SLC30A8: variants seen among roughly 807,000 people sequenced by gnomAD.
SLC30A8 encodes proton-coupled zinc antiporter SLC30A8.
Under a neutral mutation model 36.9 loss-of-function variants are expected in SLC30A8, and 27 were observed. The observed-to-expected ratio is 0.73, with a 90% confidence interval of 0.54 to 1.01. The LOEUF (loss-of-function observed/expected upper bound fraction) is 1.01. SLC30A8 is among the 50% of genes least tolerant of loss of function. The pLI, the probability that SLC30A8 is intolerant of heterozygous loss-of-function variation, is 0.00. For missense variants in SLC30A8, 439 were observed against 452.0 expected (o/e 0.97, Z 0.26); for synonymous variants, 164 against 172.4 (o/e 0.95, Z 0.38).
intron 1 of SLC30A8, among the ~76,000 whole-genome samples, chr8:117,137,735 A>G (rs188425873): frequency 7.2e-5 from 11 of 152,084 alleles, no homozygotes; most frequent in African/African-American, 2.6e-4. Flanking sequence ...GTGACAGTCC[A>G]GAGTAGCAAG....
intron 6 of SLC30A8, among the ~76,000 whole-genome samples, chr8:117,169,270 C>G (rs184371257): frequency 2.6e-5 from 4 of 152,240 alleles, no homozygotes; most frequent in East Asian, 1.9e-4. Flanking sequence ...AGGAGGAAAT[C>G]CCCCATGAGC....
At chr8:117,150,690 C>T (rs1822141415) in intron 2 of SLC30A8, among the ~76,000 whole-genome samples, 1 of 152,088 alleles carries the variant, frequency 6.6e-6, no homozygotes, top group Non-Finnish European at 1.5e-5. Flanking sequence ...ACTGCAAGCT[C>T]CGCCTCCCGG....
At chr8:116,990,757 A>G (rs1441938557) in intron 1 of SLC30A8, among the ~76,000 whole-genome samples, 3 of 152,210 alleles carry the variant, frequency 2.0e-5, no homozygotes, top group African/African-American at 4.8e-5. Flanking sequence ...CACCATGATA[A>G]TGTAAGATGT....
intron 6 of SLC30A8, among the ~76,000 whole-genome samples, chr8:117,168,023 T>G (rs1823151157): frequency 6.6e-6 from 1 of 152,084 alleles, no homozygotes; most frequent in South Asian, 2.1e-4. Context: ...GAACTCCCAT[T>G]TGTAAAACCA....
At chr8:117,090,535 C>T (rs1231080934) in intron 2 of SLC30A8, among the ~76,000 whole-genome samples, 2 of 152,094 alleles carry the variant, frequency 1.3e-5, no homozygotes, top group Non-Finnish European at 2.9e-5. Flanking sequence ...CTTCCTTGTT[C>T]CTAGGTGGCC....
chr8:117,015,438 G>C (rs1478672553), intron 1 of SLC30A8, among the ~76,000 whole-genome samples: 2 of 151,594 alleles, frequency 1.3e-5, no homozygotes, highest in Non-Finnish European at 2.9e-5. Flanking sequence ...TTTGAAGGTG[G>C]AAAAAAATAT....
At chr8:117,070,526 T>G (rs540209781) in intron 2 of SLC30A8, among the ~76,000 whole-genome samples, 1 of 152,248 alleles carries the variant, frequency 6.6e-6, no homozygotes, top group Non-Finnish European at 1.5e-5. Flanking sequence ...TGTCACATTC[T>G]ATTTATTGGT....
At chr8:117,063,049 A>G (rs933658614) in intron 2 of SLC30A8, among the ~76,000 whole-genome samples, 1 of 152,190 alleles carries the variant, frequency 6.6e-6, no homozygotes, top group African/African-American at 2.4e-5. Context: ...GAGTCCAACA[A>G]TGCGAGTTCA....
intron 3 of SLC30A8, among the ~76,000 whole-genome samples, 197 bp downstream of exon 3, chr8:117,153,287 A>C (rs1168919681): frequency 6.6e-6 from 1 of 152,210 alleles, no homozygotes; most frequent in Non-Finnish European, 1.5e-5. Context: ...TAATGGTGCT[A>C]TCTCTAGTCC....
chr8:117,018,753 G>A (rs997836399), intron 1 of SLC30A8, among the ~76,000 whole-genome samples: 9 of 141,630 alleles, frequency 6.4e-5, no homozygotes, highest in African/African-American at 1.8e-4. Flanking sequence ...TGCAACCTCC[G>A]CCTCCTGGGT....
At chr8:116,965,538 C>A (rs1479944289) in intron 1 of SLC30A8, among the ~76,000 whole-genome samples, 3 of 152,180 alleles carry the variant, frequency 2.0e-5, no homozygotes, top group African/African-American at 7.2e-5. Flanking sequence ...TCTTTGAGAT[C>A]CAGATGAATT....
chr8:117,066,244 C>T (rs566973160), intron 2 of SLC30A8, among the ~76,000 whole-genome samples: 2 of 152,308 alleles, frequency 1.3e-5, no homozygotes, highest in South Asian at 2.1e-4. Flanking sequence ...TGGTCCTGGG[C>T]AGCAAGCAAG....
chr8:117,095,040 A>G (rs916046800), intron 2 of SLC30A8, among the ~76,000 whole-genome samples: 6 of 152,180 alleles, frequency 3.9e-5, no homozygotes, highest in Non-Finnish European at 8.8e-5. Flanking sequence ...GATATCTCTG[A>G]GCCTTGGGGG....
chr8:116,981,586 G>T (rs192908969), intron 1 of SLC30A8, among the ~76,000 whole-genome samples: 1 of 152,112 alleles, frequency 6.6e-6, no homozygotes, highest in East Asian at 1.9e-4. Flanking sequence ...CCCTCAAGCA[G>T]GTCCTAGTAT....
At chr8:116,965,612 T>C (rs1045693462) in intron 1 of SLC30A8, among the ~76,000 whole-genome samples, 1 of 152,216 alleles carries the variant, frequency 6.6e-6, no homozygotes, top group Non-Finnish European at 1.5e-5. Context: ...TTTGAGGGGC[T>C]TCCCATCGCC....
rs116679932 is a variant in SLC30A8 at position 117,136,036 on chromosome 8, C to T, written c.71+638C>T. ...AAAATGTCTAGTTTCAGATCTTTGT[C>T]CTCTTGAAACTTAGTCTAATGTGAA... On this transcript the variant is annotated intron_variant, in intron 1 of 7. Coordinates refer to ENST00000456015, the MANE Select transcript of SLC30A8 (RefSeq NM_173851.3). Among the ~76,000 whole-genome samples, 829 of 151,918 alleles carry T rather than the reference C, an allele frequency of 5.5e-3. 8 individuals are homozygous for T. Among genetic ancestry groups the T allele is most frequent in the African/African-American group, 0.019 (769 of 41,478 alleles).
chr8:117,050,197 G>A (rs1017328096), intron 2 of SLC30A8, among the ~76,000 whole-genome samples: 10 of 152,174 alleles, frequency 6.6e-5, no homozygotes, highest in African/African-American at 2.4e-4. Context: ...TCTGTGGCCC[G>A]GCTCTGCTTG....
intron 3 of SLC30A8, among the ~76,000 whole-genome samples, chr8:117,153,736 G>GTGTGTGTA: frequency 1.3e-5 from 2 of 151,892 alleles, no homozygotes; most frequent in East Asian, 1.9e-4. Flanking sequence ...GTGTGTGTGT[G>GTGTGTGTA]TGTGTGTGTG....
chr8:116,966,595 G>A (rs1035688731), intron 1 of SLC30A8, among the ~76,000 whole-genome samples: 4 of 152,070 alleles, frequency 2.6e-5, no homozygotes, highest in South Asian at 2.1e-4. Context: ...AAGCAGCCTC[G>A]CACACTGTCA....
Sources: allele counts gnomAD v4.1 joint callset (sites outside exome capture counted in the v4.1 genomes callset), GRCh38; gene constraint gnomAD v4.1.1; transcripts MANE v1.5; gene names NCBI Gene and HGNC (gene_info 2026-07-23, HGNC 2026-07-21).